The following MEOX2 variants were observed in gnomAD, a reference collection of about 807,000 sequenced individuals.
MEOX2 encodes mesenchyme homeobox 2.
In MEOX2, 11 loss-of-function variants were observed where a neutral mutation model predicts 27.0. The observed-to-expected ratio is 0.41, with a 90% CI of 0.26 to 0.68. MEOX2 has a LOEUF of 0.68. MEOX2 is among the 30% of genes least tolerant of loss of function. The pLI is 0.33. For missense variants in MEOX2, 436 were observed against 385.4 expected (o/e 1.13, Z -1.10); for synonymous variants, 189 against 155.4 (o/e 1.22, Z -1.61).
chr7:15,621,019 T>G (rs1781215450), intron 2 of MEOX2, among the ~76,000 whole-genome samples: 1 of 152,190 alleles, frequency 6.6e-6, no homozygotes, highest in African/African-American at 2.4e-5. Context: ...TGTGAGATAT[T>G]AAAAATCTGG....
intron 1 of MEOX2, among the ~76,000 whole-genome samples, chr7:15,665,461 C>G (rs1781985842): frequency 1.3e-5 from 2 of 152,124 alleles, no homozygotes; most frequent in Admixed American, 6.5e-5. Flanking sequence ...GTTTTAAGTA[C>G]AACAGCACTA....
At chr7:15,620,614 A>G (rs1452678444) in intron 2 of MEOX2, among the ~76,000 whole-genome samples, 1 of 151,976 alleles carries the variant, frequency 6.6e-6, no homozygotes, top group Non-Finnish European at 1.5e-5. Context: ...AAAAGACAAA[A>G]CCACTCTTTA....
At chr7:15,613,399 A>T (rs1230747389) in intron 2 of MEOX2, among the ~76,000 whole-genome samples, 1 of 150,686 alleles carries the variant, frequency 6.6e-6, no homozygotes, top group Non-Finnish European at 1.5e-5. Context: ...TAAAAACAAA[A>T]AAAACAGCAA....
intron 1 of MEOX2, among the ~76,000 whole-genome samples, chr7:15,684,542 C>T (rs1782347358): frequency 6.6e-6 from 1 of 152,124 alleles, no homozygotes; most frequent in Non-Finnish European, 1.5e-5. Flanking sequence ...GAGAAGAATC[C>T]ATCCTATAGT....
intron 1 of MEOX2, chr7:15,679,042 C>G (rs920471490): frequency 2.6e-5 from 4 of 152,130 alleles, no homozygotes; most frequent in Non-Finnish European, 5.9e-5. Flanking sequence ...CTGGACTCTT[C>G]ACAAAACTAT....
At chr7:15,685,591 C>G (rs754310992) in intron 1 of MEOX2, among the ~76,000 whole-genome samples, 1 of 152,222 alleles carries the variant, frequency 6.6e-6, no homozygotes, top group Admixed American at 6.5e-5. Context: ...GAAGGTCACG[C>G]TTCACAATCG....
intron 1 of MEOX2, among the ~76,000 whole-genome samples, chr7:15,632,740 T>C (rs1263114601): frequency 1.3e-5 from 2 of 151,970 alleles, no homozygotes; most frequent in Admixed American, 1.3e-4. Flanking sequence ...GGGACAAGTC[T>C]TCTGGGTAAA....
intron 1 of MEOX2, among the ~76,000 whole-genome samples, chr7:15,651,966 A>G (rs991079904): frequency 1.1e-4 from 17 of 152,036 alleles, no homozygotes; most frequent in African/African-American, 4.1e-4. Context: ...ATATCCTGAA[A>G]AGGAATGATC....
intron 1 of MEOX2, among the ~76,000 whole-genome samples, chr7:15,629,089 A>T (rs1465485343): frequency 6.6e-6 from 1 of 152,084 alleles, no homozygotes; most frequent in African/African-American, 2.4e-5. Context: ...GAGCAGTTCA[A>T]TTTGAATGAT....
chr7:15,616,847 AT>A (rs1439028463), intron 2 of MEOX2, among the ~76,000 whole-genome samples: 1 of 151,956 alleles, frequency 6.6e-6, no homozygotes, highest in East Asian at 1.9e-4. Flanking sequence ...TAGATCAAAG[AT>A]GGGAGGTGTT....
chr7:15,649,263 A>G (rs927226744), intron 1 of MEOX2, among the ~76,000 whole-genome samples: 13 of 152,142 alleles, frequency 8.5e-5, no homozygotes, highest in African/African-American at 2.9e-4. Flanking sequence ...AATAACTAGG[A>G]AACAAATTGT....
At chr7:15,641,741 T>C (rs1026712049) in intron 1 of MEOX2, among the ~76,000 whole-genome samples, 8 of 152,200 alleles carry the variant, frequency 5.3e-5, no homozygotes, top group African/African-American at 1.9e-4. Context: ...GCTTTTGTCC[T>C]AGTAAGTTTT....
chr7:15,648,162 T>C (rs1344106224), intron 1 of MEOX2, among the ~76,000 whole-genome samples: 2 of 152,078 alleles, frequency 1.3e-5, no homozygotes, highest in African/African-American at 4.8e-5. Flanking sequence ...GTGTTTTACA[T>C]TTTTAAGTTT....
intron 1 of MEOX2, chr7:15,677,785 T>C (rs1288734608): frequency 6.6e-6 from 1 of 152,222 alleles, no homozygotes; most frequent in Non-Finnish European, 1.5e-5. Flanking sequence ...TCAAACTCTC[T>C]TCAATTATCC....
intron 1 of MEOX2, among the ~76,000 whole-genome samples, chr7:15,630,960 A>T (rs1781391287): frequency 6.6e-6 from 1 of 151,850 alleles, no homozygotes; most frequent in African/African-American, 2.4e-5. Context: ...TTGCCAATCC[A>T]CTTTCCAGAT....
rs550167153 is a variant in MEOX2, at chr7:15,656,333, T to A, written c.518-29415A>T. Among the ~76,000 whole-genome samples the A allele has an allele frequency of 2.0e-5, 3 of 152,052 alleles. 1 individual carries two copies. The highest frequency in any genetic ancestry group is 7.2e-5 in the African/African-American group (3 of 41,570). ...ATCAATCTCTGACTTTTAATTGCTA[T>A]GTTTTTAGGCCACTAACACTTAATA... is the stretch of plus-strand genomic sequence containing the variant. On this transcript the variant is annotated intron_variant, in intron 1 of 2. Transcript: ENST00000262041.
At chr7:15,685,799 C>T (rs1782369986) in intron 1 of MEOX2, 87 bp downstream of exon 1, 3 of 1,485,724 alleles carry the variant, frequency 2.0e-6, no homozygotes, top group South Asian at 1.3e-5. Flanking sequence ...CCTGCTGCCA[C>T]CCTCCAGTGC....
chr7:15,680,201 T>A (rs568237539), intron 1 of MEOX2: 4 of 152,002 alleles, frequency 2.6e-5, no homozygotes, highest in Non-Finnish European at 1.5e-5. Flanking sequence ...CAAGAGATTT[T>A]AAATGAAAAT....
chr7:15,631,093 G>A (rs1413186552), intron 1 of MEOX2, among the ~76,000 whole-genome samples: 3 of 151,878 alleles, frequency 2.0e-5, no homozygotes, highest in African/African-American at 7.2e-5. Context: ...AGGATAGCCA[G>A]AAAACATCTA....
Sources: allele counts gnomAD v4.1 joint callset (sites outside exome capture counted in the v4.1 genomes callset), GRCh38; gene constraint gnomAD v4.1.1; transcripts MANE v1.5; gene names NCBI Gene and HGNC (gene_info 2026-07-23, HGNC 2026-07-21).